Variants in KCNC4 observed in about 807,000 individuals in gnomAD.
KCNC4 encodes the protein voltage-gated potassium channel KCNC4.
Under a neutral mutation model 42.8 loss-of-function variants are expected in KCNC4, and 23 were observed. That is an observed-to-expected ratio of 0.54 (90% CI 0.39 to 0.76). KCNC4 has a LOEUF of 0.76. KCNC4 is among the 30% of genes least tolerant of loss of function. KCNC4 has a pLI of 0.00. For synonymous variants in KCNC4, 422 were observed against 393.5 expected, an observed-to-expected ratio of 1.07 and a Z score of -0.86; for missense variants, 751 against 898.2, an observed-to-expected ratio of 0.84 and a Z score of 2.10.
At chr1:110,258,722 C>T (rs1489398425) in intron 1 of KCNC4, among the ~76,000 whole-genome samples, 3 of 152,208 alleles carry the variant, frequency 2.0e-5, no homozygotes, top group Non-Finnish European at 4.4e-5. Context: ...ATTCTTAAAA[C>T]AGGATTTGAG....
downstream of KCNC4, chr1:110,237,625 A>C (rs143394794): frequency 1.1e-4 from 17 of 152,306 alleles, no homozygotes; most frequent in East Asian, 7.7e-4. Context: ...ACTGTTTCCA[A>C]TCCTAAGACT....
chr1:110,216,585 T>C (rs1021032777), intron 1 of KCNC4, among the ~76,000 whole-genome samples: 2 of 152,100 alleles, frequency 1.3e-5, no homozygotes, highest in African/African-American at 4.8e-5. Flanking sequence ...GGGGAGAAAG[T>C]AAACGAGCTA....
intron 3 of KCNC4, chr1:110,229,098 A>G (rs977061546): frequency 1.3e-5 from 2 of 152,160 alleles, no homozygotes; most frequent in African/African-American, 4.8e-5. Context: ...ATCTTTAATC[A>G]CTGTGAATGT....
Position 110,211,841 on chromosome 1 carries a change from G to A in KCNC4, c.342G>A (p.Lys114=), listed in dbSNP as rs1167742870. ...AYVLNYYRTG[K]LHCPADVCGP... ...TGCTCAACTACTACCGCACCGGCAAGCTGCACTGCCCCGCGGACGTGTGCG... is the reference window on the plus strand; with the variant it reads ...TGCTCAACTACTACCGCACCGGCAAACTGCACTGCCCCGCGGACGTGTGCG... The change falls in exon 1 of 4, where the codon AAG becomes AAA. Residue 114 remains lysine (K), a synonymous_variant. Coordinates refer to ENST00000438661, the MANE Select transcript of KCNC4 (RefSeq NM_001039574.3). This position sits in a 1 kb window ranked among gnomAD's most constrained non-coding sequence, Gnocchi z 6.5. The A allele has an allele frequency of 6.2e-7, 1 of 1,611,734 alleles. No homozygotes were observed. Among genetic ancestry groups the A allele is most frequent in the South Asian group, 1.1e-5 (1 of 91,008 alleles).
Position 110,223,131 on chromosome 1 carries a change from C to T in KCNC4, c.846C>T (p.Thr282=). ...AGGTAGAGACAGAGCCCATCCTGAC[C>T]TACATCGAGGGCGTATGTGTGCTGT... ...RREVETEPIL[T]YIEGVCVLWF... The change falls in exon 2 of 4, where the codon ACC becomes ACT. Residue 282 remains threonine, a synonymous_variant. Transcript: ENST00000438661. This position sits in a 1 kb window ranked among gnomAD's most constrained non-coding sequence, Gnocchi z 7.5. 6.2e-7 allele frequency: 1 copy of T among 1,614,238 alleles called. No homozygotes were observed. The highest frequency in any genetic ancestry group is 1.1e-5 in the South Asian group (1 of 91,088).
rs747198654 is a variant in KCNC4, at chr1:110,223,326, C to T, written c.1041C>T (p.Arg347=). 31 of 1,613,940 alleles carry T rather than the reference C, an allele frequency of 1.9e-5. No homozygotes were observed. Among genetic ancestry groups the T allele is most frequent in the East Asian group, 1.8e-4 (8 of 44,886 alleles). ...CCCGCGACGTGCTGGGCTTCCTGCG[C>T]GTGGTGCGCTTCGTGCGCATCCTGC... The part of the protein sequence containing the change: ...KAARDVLGFL[R]VVRFVRILRI... Residue 347 remains arginine, a synonymous_variant, in exon 2 of 4, where the codon CGC becomes CGT. Transcript: ENST00000438661. The surrounding 1 kb of genome is among the most constrained non-coding windows in gnomAD (Gnocchi z 7.5).
At chr1:110,231,063 A>G (rs768105673) in intron 3 of KCNC4, among the ~76,000 whole-genome samples, 4 of 152,244 alleles carry the variant, frequency 2.6e-5, no homozygotes, top group Non-Finnish European at 5.9e-5. Context: ...CCCTTCCCAC[A>G]GAACTGGGAG....
At chr1:110,218,881 G>C (rs1052114183) in intron 1 of KCNC4, among the ~76,000 whole-genome samples, 2 of 152,130 alleles carry the variant, frequency 1.3e-5, no homozygotes, top group Non-Finnish European at 1.5e-5. Context: ...CCCAGGGGGC[G>C]CAGGGAGTTG....
chr1:110,275,511 A>G (rs1659701931), intron 1 of KCNC4, among the ~76,000 whole-genome samples: 2 of 152,230 alleles, frequency 1.3e-5, no homozygotes, highest in African/African-American at 4.8e-5. Context: ...ACTACTGGTT[A>G]TCTACCCAAA....
At chr1:110,220,251 T>C (rs530482887) in intron 1 of KCNC4, 1 of 152,156 alleles carries the variant, frequency 6.6e-6, no homozygotes, top group Non-Finnish European at 1.5e-5. Context: ...TAGCAGTTAA[T>C]AGTAGATGGA....
chr1:110,213,776 C>G (rs1380494260), intron 1 of KCNC4, among the ~76,000 whole-genome samples: 1 of 152,178 alleles, frequency 6.6e-6, no homozygotes, highest in African/African-American at 2.4e-5. Context: ...GGTCACTAAC[C>G]TTGCTAGTGT....
chr1:110,210,956 C>T lies in KCNC4; in HGVS notation c.-544C>T, dbSNP rs1047585806. Among the ~76,000 whole-genome samples the T allele has an allele frequency of 1.3e-5, 2 of 152,188 alleles. No homozygotes were observed. The highest frequency in any genetic ancestry group is 1.3e-4 in the Admixed American group (2 of 15,288). On this transcript the variant is annotated 5_prime_UTR_variant, in exon 1 of 4. Transcript: ENST00000438661. ...CCGCAAGCAGCCCGGGCCCACGGAG[C>T]TCCGGCTGCCGTGAGAGTGTCGGCC...
intron 1 of KCNC4, among the ~76,000 whole-genome samples, chr1:110,255,670 A>G (rs1432480801): frequency 6.6e-6 from 1 of 152,166 alleles, no homozygotes; most frequent in Non-Finnish European, 1.5e-5. Context: ...TGCCAGGACA[A>G]CCGAACTTCC....
At chr1:110,226,773 G>T (rs1658421037) in intron 3 of KCNC4, among the ~76,000 whole-genome samples, 1 of 152,224 alleles carries the variant, frequency 6.6e-6, no homozygotes, top group African/African-American at 2.4e-5. Context: ...CAGGAAGAGT[G>T]GGTCCCATCT....
chr1:110,264,890 T>C (rs958667758), intron 1 of KCNC4, among the ~76,000 whole-genome samples: 2 of 152,060 alleles, frequency 1.3e-5, no homozygotes, highest in Non-Finnish European at 2.9e-5. Flanking sequence ...GAAACCAGCC[T>C]GGTCAACACG....
intron 2 of KCNC4, 81 bp from the exon 3 acceptor site, chr1:110,225,894 G>C: frequency 7.7e-7 from 1 of 1,304,734 alleles, no homozygotes; most frequent in Non-Finnish European, 1.1e-6. Flanking sequence ...GTAACACTCT[G>C]GGTCTGGGAG....
intron 1 of KCNC4, chr1:110,220,764 A>G (rs1168511215): frequency 1.3e-5 from 2 of 152,210 alleles, no homozygotes; most frequent in East Asian, 1.9e-4. Context: ...AGGGATGGCC[A>G]TGGAGAGCCC....
exon 4 of KCNC4, chr1:110,240,435 T>A (rs1043778472): frequency 6.6e-6 from 1 of 152,374 alleles, no homozygotes; most frequent in Non-Finnish European, 1.5e-5. Flanking sequence ...CAGCTCCTCA[T>A]ATTGAGCCCC....
At position 110,210,419 on chromosome 1, in the gene KCNC4, G is replaced by C. The variant is rs1031449696; in HGVS notation, c.-1081G>C. Among the ~76,000 whole-genome samples, 11 of 151,496 alleles carry C rather than the reference G, an allele frequency of 7.3e-5. No homozygotes were observed. The highest frequency in any genetic ancestry group is 1.6e-4 in the Non-Finnish European group (11 of 67,806). ...CCCTCCCCTATGCCACCTCGCGCCC[G>C]CCCCCTGCCGCGCGCGAGCCAAGGC... On this transcript the variant is annotated 5_prime_UTR_variant, in exon 1 of 4. Transcript: ENST00000438661.
Sources: allele counts gnomAD v4.1 joint callset (sites outside exome capture counted in the v4.1 genomes callset), GRCh38; gene constraint gnomAD v4.1.1; non-coding constraint Gnocchi (gnomAD v3.1); transcripts MANE v1.5; gene names NCBI Gene and HGNC (gene_info 2026-07-23, HGNC 2026-07-21).